Variants in RANBP17 observed in about 807,000 individuals in gnomAD.
The protein encoded by RANBP17 is ran-binding protein 17.
A neutral mutation model predicts 141.2 loss-of-function variants in RANBP17; 158 were observed. That is an observed-to-expected ratio of 1.12 (90% CI 0.98 to 1.28). The LOEUF (loss-of-function observed/expected upper bound fraction) is 1.28. Ranked by LOEUF, RANBP17 falls within the 50% of genes most tolerant of loss-of-function variation. The pLI is 0.00. For synonymous variants in RANBP17, 430 were observed against 450.0 expected (o/e 0.96, Z 0.56); for missense variants, 1,438 against 1,290.7 (o/e 1.11, Z -1.75).
At chr5:171,087,638 C>G (rs1442076297) in intron 14 of RANBP17, among the ~76,000 whole-genome samples, 9 of 151,778 alleles carry the variant, frequency 5.9e-5, no homozygotes, top group African/African-American at 9.7e-5. Context: ...CTTTATGAAT[C>G]TGGGTGCTCC....
intron 5 of RANBP17, chr5:170,896,890 GCGC>G: frequency 1.7e-6 from 1 of 578,210 alleles, no homozygotes; most frequent in Non-Finnish European, 3.2e-6. Flanking sequence ...GCAGAGGCCG[GCGC>G]GGCTCACAAG....
At chr5:171,286,148 C>T (rs574806702) in intron 25 of RANBP17, among the ~76,000 whole-genome samples, 5 of 152,238 alleles carry the variant, frequency 3.3e-5, no homozygotes, top group Admixed American at 2.0e-4. Context: ...CTTAGCTTTC[C>T]GTAAGGAGGG....
chr5:171,140,547 AC>A (rs1361949280), intron 14 of RANBP17, among the ~76,000 whole-genome samples: 2 of 152,068 alleles, frequency 1.3e-5, no homozygotes, highest in Admixed American at 1.3e-4. Flanking sequence ...AGTTTATAAA[AC>A]CTCACCCCAA....
intron 25 of RANBP17, among the ~76,000 whole-genome samples, chr5:171,274,165 T>C (rs112382362): frequency 0.02 from 2,616 of 128,290 alleles, 31 homozygotes; most frequent in East Asian, 0.048. Context: ...CGCGCGCGCG[T>C]GCGCAAAATC....
At chr5:171,053,874 A>C (rs1783138366) in intron 14 of RANBP17, among the ~76,000 whole-genome samples, 1 of 83,630 alleles carries the variant, frequency 1.2e-5, no homozygotes, top group Non-Finnish European at 2.2e-5. Flanking sequence ...GTCAGTGTTT[A>C]GTTCATATAT....
At chr5:171,264,077 G>A (rs530810762) in intron 24 of RANBP17, among the ~76,000 whole-genome samples, 2 of 152,182 alleles carry the variant, frequency 1.3e-5, no homozygotes, top group East Asian at 1.9e-4. Flanking sequence ...CAACAAAAAG[G>A]TGTTTGGTGC....
chr5:171,201,540 C>T (rs1330951309), intron 19 of RANBP17, among the ~76,000 whole-genome samples: 1 of 152,234 alleles, frequency 6.6e-6, no homozygotes, highest in Non-Finnish European at 1.5e-5. Flanking sequence ...GAGTTAGATG[C>T]TCTTTATTGC....
chr5:171,064,315 C>T (rs757093075), intron 14 of RANBP17, among the ~76,000 whole-genome samples: 1 of 152,172 alleles, frequency 6.6e-6, no homozygotes, highest in Non-Finnish European at 1.5e-5. Flanking sequence ...GCTGCCAGTC[C>T]TAGAATGTAT....
Position 171,241,126 on chromosome 5 carries a change from C to A in RANBP17, c.2621C>A (p.Ser874Tyr). 6.2e-7 allele frequency: 1 copy of A among 1,611,798 alleles called. No homozygotes were observed. The highest frequency in any genetic ancestry group is 8.5e-7 in the Non-Finnish European group (1 of 1,178,202). Reference sequence around the variant, plus strand: ...TTTGTCAAAATGCTGCTGTCAGTGTCCCACAGTGACTTGCTAGTAAGCAAT... The same window carrying A: ...TTTGTCAAAATGCTGCTGTCAGTGTACCACAGTGACTTGCTAGTAAGCAAT... Reference protein sequence around the residue: ...QAFVKMLLSVSHSDLLQYRKL... With the variant: ...QAFVKMLLSVYHSDLLQYRKL... Residue 874 changes from serine to tyrosine, a missense_variant, in exon 23 of 28, where the codon TCC becomes TAC. Transcript: ENST00000523189.
At chr5:170,935,784 A>T (rs1400209600) in intron 12 of RANBP17, among the ~76,000 whole-genome samples, 1 of 152,182 alleles carries the variant, frequency 6.6e-6, no homozygotes, top group Admixed American at 6.5e-5. Flanking sequence ...CTCAGATCTC[A>T]CACTCCATGC....
intron 2 of RANBP17, among the ~76,000 whole-genome samples, 154 bp from the exon 3 acceptor site, chr5:170,881,652 T>G (rs1768701811): frequency 6.6e-6 from 1 of 152,232 alleles, no homozygotes; most frequent in African/African-American, 2.4e-5. Context: ...CTTTTCTGTA[T>G]GTATGTATCT....
chr5:170,914,109 CTTTG>C (rs1303900438), intron 7 of RANBP17, 54 bp from the exon 8 acceptor site: 1 of 1,166,676 alleles, frequency 8.6e-7, no homozygotes, highest in Non-Finnish European at 1.3e-6. Flanking sequence ...TATTGTCTTA[CTTTG>C]TTAAGATCAC....
intron 21 of RANBP17, among the ~76,000 whole-genome samples, chr5:171,218,614 G>A (rs1033313152): frequency 3.9e-5 from 6 of 151,992 alleles, no homozygotes; most frequent in East Asian, 1.9e-4. Flanking sequence ...GTATATTTAC[G>A]TTAGCTCTTC....
chr5:170,943,887 A>C (rs1774541844), intron 12 of RANBP17, among the ~76,000 whole-genome samples: 1 of 152,180 alleles, frequency 6.6e-6, no homozygotes, highest in South Asian at 2.1e-4. Context: ...TGGTAAGAGC[A>C]CTTAAAATCT....
rs151049573 is a variant in RANBP17, at chr5:171,172,227, G to A, written c.1865+941G>A. On this transcript the variant is annotated intron_variant, in intron 16 of 27. Transcript: ENST00000523189. ...AGTATTAGACACCCACTTTTGTGCT[G>A]GAATTTAATATGCAACTTTTTATTG... 6.0e-3 allele frequency among the ~76,000 whole-genome samples: 908 copies of A among 151,892 alleles called. 8 individuals are homozygous for A. Among genetic ancestry groups the A allele is most frequent in the African/African-American group, 0.02 (820 of 41,516 alleles).
chr5:171,170,260 A>C (rs1760007116), intron 15 of RANBP17, 57 bp downstream of exon 15: 1 of 864,332 alleles, frequency 1.2e-6, no homozygotes, highest in East Asian at 2.8e-5. Flanking sequence ...AATGTAATAG[A>C]TCTTTTTATT....
At chr5:171,012,084 TATTTGTTTAAACAAATAATAC>T (rs1486600940) in intron 14 of RANBP17, among the ~76,000 whole-genome samples, 38 of 151,430 alleles carry the variant, frequency 2.5e-4, no homozygotes, top group Middle Eastern at 3.4e-3. Flanking sequence ...ATTGTTTGTT[TATTTGTTTAAACAAATAATAC>T]ATTTGTTTAA....
At chr5:171,218,357 G>A (rs1763350371) in intron 21 of RANBP17, among the ~76,000 whole-genome samples, 1 of 152,178 alleles carries the variant, frequency 6.6e-6, no homozygotes, top group African/African-American at 2.4e-5. Flanking sequence ...TGAGAAGAAT[G>A]TATATTCTGT....
chr5:171,091,890 G>T (rs1292645053), intron 14 of RANBP17, among the ~76,000 whole-genome samples: 1 of 152,058 alleles, frequency 6.6e-6, no homozygotes, highest in Admixed American at 6.5e-5. Flanking sequence ...CCAGTCTTGG[G>T]TATGTCTTTA....
Sources: allele counts gnomAD v4.1 joint callset (sites outside exome capture counted in the v4.1 genomes callset), GRCh38; gene constraint gnomAD v4.1.1; transcripts MANE v1.5; gene names NCBI Gene and HGNC (gene_info 2026-07-23, HGNC 2026-07-21).